The following DMD variants were observed in gnomAD, a reference collection of about 807,000 sequenced individuals.
The protein encoded by DMD is dystrophin, also known as mutant dystrophin.
DMD carries 63 observed loss-of-function variants against 330.1 expected under a neutral mutation model. The ratio of observed to expected loss-of-function variants is 0.19; its 90% confidence interval spans 0.16 to 0.24. The LOEUF (loss-of-function observed/expected upper bound fraction) is 0.24, where lower values mean the gene tolerates loss of function less well. Ranked by LOEUF, DMD falls within the 10% of genes least tolerant of loss-of-function variation. The pLI is 1.00. For synonymous variants in DMD, 1,223 were observed against 959.8 expected, an observed-to-expected ratio of 1.27 and a Z score of -5.07; for missense variants, 3,344 against 2,684.1, an observed-to-expected ratio of 1.25 and a Z score of -5.43.
chrX:31,453,902 T>C (rs1031765629), intron 59 of DMD, among the ~76,000 whole-genome samples: 4 of 110,404 alleles, frequency 3.6e-5, no homozygotes, highest in Non-Finnish European at 5.7e-5. Flanking sequence ...ACAAAAAGGC[T>C]TTTAATGAGC....
chrX:32,753,647 C>T (rs773419623), intron 7 of DMD, among the ~76,000 whole-genome samples: 59 of 112,056 alleles, frequency 5.3e-4, no homozygotes, highest in African/African-American at 1.9e-3. Context: ...ACTCTTGATG[C>T]TTTGTCAGAG....
intron 7 of DMD, among the ~76,000 whole-genome samples, chrX:32,793,090 A>T (rs1052230429): frequency 8.9e-6 from 1 of 112,114 alleles, no homozygotes; most frequent in African/African-American, 3.2e-5. Flanking sequence ...AAAAATCAAA[A>T]TCATATCTAA....
chrX:31,228,663 T>A (rs992334624), intron 63 of DMD, among the ~76,000 whole-genome samples: 2 of 111,684 alleles, frequency 1.8e-5, no homozygotes, highest in Admixed American at 9.5e-5. Flanking sequence ...CCGTGCCCCA[T>A]GAGAGACTGT....
intron 17 of DMD, among the ~76,000 whole-genome samples, chrX:32,533,579 C>G (rs994692254): frequency 3.6e-5 from 4 of 112,175 alleles, no homozygotes; most frequent in African/African-American, 1.3e-4. Context: ...AGTACTTCTT[C>G]ATGACAGTTT....
At chrX:33,244,115 C>T (rs1463687947) in intron 1 of DMD, among the ~76,000 whole-genome samples, 4 of 111,350 alleles carry the variant, frequency 3.6e-5, no homozygotes, top group African/African-American at 1.3e-4. Context: ...TTCTTCTTGC[C>T]TAATTACTTC....
intron 13 of DMD, among the ~76,000 whole-genome samples, chrX:32,576,308 C>T (rs1325875600): frequency 1.8e-5 from 2 of 111,235 alleles, no homozygotes; most frequent in East Asian, 2.8e-4. Context: ...CCCCAGCATG[C>T]GATTTTTTTC....
intron 44 of DMD, among the ~76,000 whole-genome samples, chrX:32,016,849 G>A (rs1203578718): frequency 8.9e-6 from 1 of 112,608 alleles, no homozygotes; most frequent in Non-Finnish European, 1.9e-5. Context: ...TGTAAAATGG[G>A]CTGTTAAACA....
intron 1 of DMD, among the ~76,000 whole-genome samples, chrX:33,079,863 A>G (rs1345037106): frequency 9.0e-6 from 1 of 111,570 alleles, no homozygotes. Flanking sequence ...GACCCAATAA[A>G]GACAGCATGA....
At chrX:31,474,712 A>AAAAATAAAAT (rs749950829) in intron 59 of DMD, among the ~76,000 whole-genome samples, 102 of 96,026 alleles carry the variant, frequency 1.1e-3, no homozygotes, top group African/African-American at 2.1e-3. Flanking sequence ...GTCGCAAAAA[A>AAAAATAAAAT]AAAATAAAAT....
intron 50 of DMD, among the ~76,000 whole-genome samples, chrX:31,819,278 C>T (rs1180222602): frequency 8.9e-6 from 1 of 112,170 alleles, no homozygotes; most frequent in Admixed American, 9.4e-5. Flanking sequence ...AATATTCCTC[C>T]CCCAAGTCAG....
chrX:32,382,815 G>A (rs1176821961), intron 33 of DMD, among the ~76,000 whole-genome samples: 1 of 110,173 alleles, frequency 9.1e-6, no homozygotes, highest in East Asian at 2.8e-4. Context: ...ATGCAGTATT[G>A]ATTTTTATTT....
chrX:32,280,569 G>A (rs331339), intron 43 of DMD, among the ~76,000 whole-genome samples: 3 of 109,992 alleles, frequency 2.7e-5, no homozygotes, highest in South Asian at 3.9e-4. Flanking sequence ...ATAATCCTTC[G>A]TGAGTTGTCA....
chrX:31,252,989 CA>C (rs11368058), intron 63 of DMD, among the ~76,000 whole-genome samples: 28,079 of 100,265 alleles, frequency 0.28, 3,064 homozygotes, highest in East Asian at 0.48. Context: ...GACTCCGTCT[CA>C]AAAAAAAAAA....
intron 13 of DMD, among the ~76,000 whole-genome samples, chrX:32,593,222 G>A (rs1343449500): frequency 5.3e-5 from 6 of 112,337 alleles, no homozygotes; most frequent in Non-Finnish European, 1.1e-4. Flanking sequence ...ACACTTACAT[G>A]CACACTTTAT....
At chrX:33,008,733 A>AAT (rs762985133) in intron 2 of DMD, among the ~76,000 whole-genome samples, 4 of 104,165 alleles carry the variant, frequency 3.8e-5, no homozygotes, top group African/African-American at 1.4e-4. Context: ...GATTGTTAAA[A>AAT]ATATATATAT....
intron 51 of DMD, among the ~76,000 whole-genome samples, chrX:31,741,890 T>C (rs1429418364): frequency 8.9e-6 from 1 of 111,804 alleles, no homozygotes; most frequent in Non-Finnish European, 1.9e-5. Context: ...ATTGAAAATG[T>C]GTTGTTTAGT....
chrX:31,148,858 G>T (rs144148221), intron 74 of DMD, among the ~76,000 whole-genome samples: 246 of 111,717 alleles, frequency 2.2e-3, no homozygotes, highest in African/African-American at 7.6e-3. Flanking sequence ...TTTCCTGCTG[G>T]ATTGTCTTTT....
chrX:32,163,654 A>C (rs748630261), intron 44 of DMD, among the ~76,000 whole-genome samples: 1 of 112,080 alleles, frequency 8.9e-6, no homozygotes, highest in African/African-American at 3.2e-5. Context: ...TGCATGTAAA[A>C]GCTGGTGAGA....
rs1354405212 is a variant in DMD at position 32,684,800 on chromosome X, G to A, written c.960+13070C>T. Among the ~76,000 whole-genome samples, 3 of 109,907 alleles carry A rather than the reference G, an allele frequency of 2.7e-5. No individual in the cohort carries two copies. The East Asian group carries it at 8.5e-4, about 31-fold the overall frequency. On this transcript the variant is annotated intron_variant, in intron 9 of 78. Transcript: ENST00000357033. Reference sequence around the variant, plus strand: ...ATGTTCTTTATGAATTTTCCTATTGGGGCATTCTAGTTTTACTTATTGATT... The same window carrying A: ...ATGTTCTTTATGAATTTTCCTATTGAGGCATTCTAGTTTTACTTATTGATT...
Sources: gnomAD v4.1 joint callset for allele counts (sites outside exome capture counted in the v4.1 genomes callset) on GRCh38, gnomAD v4.1.1 for gene constraint, MANE v1.5 for transcripts, NCBI Gene and HGNC (gene_info 2026-07-23, HGNC 2026-07-21) for gene names.